The following ELFN1 variants were observed in gnomAD, a reference collection of about 807,000 sequenced individuals.
ELFN1 encodes extracellular leucine rich repeat and fibronectin type III domain containing 1.
Under a neutral mutation model 7.6 loss-of-function variants are expected in ELFN1, and 6 were observed. That is an observed-to-expected ratio of 0.79 (90% confidence interval 0.43 to 1.56). The LOEUF is 1.56. Ranked by LOEUF, ELFN1 falls within the 40% of genes most tolerant of loss-of-function variation. ELFN1 has a pLI of 0.01. For missense variants in ELFN1, 1,169 were observed against 1,232.2 expected (o/e 0.95, Z 0.77); for synonymous variants, 657 against 588.1 (o/e 1.12, Z -1.70).
chr7:1,666,154 C>T (rs1156243178), upstream of ELFN1, among the ~76,000 whole-genome samples: 2 of 152,066 alleles, frequency 1.3e-5, no homozygotes, highest in African/African-American at 4.8e-5. The surrounding 1 kb of genome is among the most constrained non-coding windows in gnomAD (Gnocchi z 7.9). Context: ...CAGCCCGGGG[C>T]CCGCACCCCG....
chr7:1,697,710 T>C (rs913691823), intron 2 of ELFN1, among the ~76,000 whole-genome samples: 1 of 152,216 alleles, frequency 6.6e-6, no homozygotes, highest in East Asian at 1.9e-4. Context: ...ATCTCTGTTT[T>C]TCACCCTGAT....
At chr7:1,699,713 T>A (rs982683671) in intron 2 of ELFN1, among the ~76,000 whole-genome samples, 2 of 151,788 alleles carry the variant, frequency 1.3e-5, no homozygotes, top group Non-Finnish European at 2.9e-5. Flanking sequence ...TTCTCCTACT[T>A]TTTTTTTGGA....
intron 2 of ELFN1, among the ~76,000 whole-genome samples, chr7:1,700,676 C>G (rs1332434204): frequency 6.6e-6 from 1 of 152,222 alleles, no homozygotes; most frequent in Non-Finnish European, 1.5e-5. Context: ...AGAGAACAGT[C>G]GCCGGCTCTT....
rs774647028 is a variant in ELFN1, at chr7:1,744,838, G to A, written c.242G>A (p.Ser81Asn). Residue 81 changes from serine (S) to asparagine (N), a missense_variant, in exon 4 of 4, where the codon AGC becomes AAC. Coordinates refer to ENST00000424383, the MANE Select transcript of ELFN1 (RefSeq NM_001128636.4). ...CGCAGCGTGCAGTACGCCTCGCTCA[G>A]CCGCTTTGGCAACCTCACGTACCTC... is the stretch of plus-strand genomic sequence containing the variant. ...RIRSVQYASL[S>N]RFGNLTYLNL... The A allele has an allele frequency of 1.8e-5, 29 of 1,573,960 alleles. No individual in the cohort carries two copies. The highest frequency in any genetic ancestry group is 2.5e-5 in the Non-Finnish European group (29 of 1,158,848).
At chr7:1,736,081 C>T (rs569164229) in intron 3 of ELFN1, among the ~76,000 whole-genome samples, 15 of 152,334 alleles carry the variant, frequency 9.8e-5, no homozygotes, top group Admixed American at 7.8e-4. Context: ...GCAGGCCTTG[C>T]GGCTCGAGGC....
intron 2 of ELFN1, chr7:1,692,189 G>C (rs1338245649): frequency 1.3e-5 from 2 of 152,280 alleles, no homozygotes; most frequent in African/African-American, 4.8e-5. Context: ...TGTGGTCTGT[G>C]TGCCAAGTAG....
rs964762129 is a variant in ELFN1, at chr7:1,695,672, C to T, written c.-456+7522C>T. 7.0e-6 allele frequency among the ~76,000 whole-genome samples: 1 copy of T among 142,622 alleles called. No homozygotes were observed. The highest frequency in any genetic ancestry group is 1.5e-5 in the Non-Finnish European group (1 of 67,172). 93.6% of individuals were successfully genotyped at this position (142,622 alleles called of 152,430 possible). ...TGAGGCAGGGAGAATTGTTTGAACC[C>T]AGGAGGTGGAGGTTGCAGTGAGCCG... On this transcript the variant is annotated intron_variant, in intron 2 of 3. Transcript: ENST00000424383. This position sits in a 1 kb window ranked among gnomAD's most constrained non-coding sequence, Gnocchi z 5.1.
chr7:1,683,502 T>C (rs185380702), intron 1 of ELFN1, among the ~76,000 whole-genome samples: 2 of 152,346 alleles, frequency 1.3e-5, no homozygotes, highest in Admixed American at 1.3e-4. Flanking sequence ...CCACATACAT[T>C]TGAAAACATT....
chr7:1,746,164 G>C lies in ELFN1; in HGVS notation c.1568G>C (p.Gly523Ala). Residue 523 changes from glycine (G) to alanine (A), a missense_variant, in exon 4 of 4, where the codon GGC becomes GCC. Coordinates refer to ENST00000424383, the MANE Select transcript of ELFN1 (RefSeq NM_001128636.4). Reference protein sequence around the residue: ...ESADTPKASKGSYMEVRTGDP... With the variant: ...ESADTPKASKASYMEVRTGDP... ...GCGGACACCCCCAAGGCCAGCAAGG[G>C]CAGCTACATGGAGGTTCGAACCGGG... is the stretch of plus-strand genomic sequence containing the variant. 1 of 1,549,710 alleles carries C rather than the reference G, an allele frequency of 6.5e-7. No homozygotes were observed. The highest frequency in any genetic ancestry group is 8.7e-7 in the Non-Finnish European group (1 of 1,146,674).
At chr7:1,701,414 G>A (rs1051358851) in intron 2 of ELFN1, among the ~76,000 whole-genome samples, 4 of 152,114 alleles carry the variant, frequency 2.6e-5, no homozygotes, top group African/African-American at 9.7e-5. Context: ...GCTTTTCATA[G>A]TATATTTTTA....
At position 1,705,130 on chromosome 7, in the gene ELFN1, A is replaced by G. The variant is rs1373521208; in HGVS notation, c.-455-3961A>G. Among the ~76,000 whole-genome samples, 1 of 152,040 alleles carries G rather than the reference A, an allele frequency of 6.6e-6. No individual in the cohort carries two copies. The highest frequency in any genetic ancestry group is 1.5e-5 in the Non-Finnish European group (1 of 67,970). Reference sequence around the variant, plus strand: ...CCAAAGGGCAGAGCCCGCAGGAGGTAACAGCCTGAGGGCTGCAGGTCACAC... The same window carrying G: ...CCAAAGGGCAGAGCCCGCAGGAGGTGACAGCCTGAGGGCTGCAGGTCACAC... On this transcript the variant is annotated intron_variant, in intron 2 of 3. Coordinates refer to ENST00000424383, the MANE Select transcript of ELFN1 (RefSeq NM_001128636.4). The surrounding 1 kb of genome is among the most constrained non-coding windows in gnomAD (Gnocchi z 4.3).
intron 3 of ELFN1, among the ~76,000 whole-genome samples, chr7:1,728,332 C>T (rs1045781347): frequency 6.6e-6 from 1 of 152,264 alleles, no homozygotes; most frequent in African/African-American, 2.4e-5. Flanking sequence ...GGGGCAGCCT[C>T]TTTCAGACCA....
chr7:1,707,318 G>A (rs899147631), intron 2 of ELFN1, among the ~76,000 whole-genome samples: 3 of 152,254 alleles, frequency 2.0e-5, no homozygotes, highest in Admixed American at 6.5e-5. Context: ...GGCTGCACAC[G>A]CCTGTCTCCT....
intron 2 of ELFN1, among the ~76,000 whole-genome samples, chr7:1,688,707 G>A (rs1257055126): frequency 6.6e-6 from 1 of 152,086 alleles, no homozygotes; most frequent in African/African-American, 2.4e-5. Context: ...CCTTTATCCA[G>A]TTCCCCCCAG....
chr7:1,705,794 C>T lies in ELFN1; in HGVS notation c.-455-3297C>T, dbSNP rs1583340140. On this transcript the variant is annotated intron_variant, in intron 2 of 3. Transcript: ENST00000424383. This position sits in a 1 kb window ranked among gnomAD's most constrained non-coding sequence, Gnocchi z 4.3. ...AGAGTCTTAGTGTCCCGGGATGGTCCTCGGGGAGGTCTGATGAGCCCCCGA... is the reference window on the plus strand; with the variant it reads ...AGAGTCTTAGTGTCCCGGGATGGTCTTCGGGGAGGTCTGATGAGCCCCCGA... 1.3e-5 allele frequency among the ~76,000 whole-genome samples: 2 copies of T among 152,186 alleles called. No homozygotes were observed. Among genetic ancestry groups the T allele is most frequent in the African/African-American group, 4.8e-5 (2 of 41,436 alleles).
intron 3 of ELFN1, among the ~76,000 whole-genome samples, chr7:1,741,790 G>A (rs996860114): frequency 2.6e-5 from 4 of 152,110 alleles, no homozygotes; most frequent in South Asian, 2.1e-4. Context: ...CTGCACTACC[G>A]AGGTGCCACC....
rs902253142 is a variant in ELFN1, at chr7:1,670,679, C to T, written c.-549+325C>T. On this transcript the variant is annotated intron_variant, in intron 1 of 3. Coordinates refer to ENST00000424383, the MANE Select transcript of ELFN1 (RefSeq NM_001128636.4). This position sits in a 1 kb window ranked among gnomAD's most constrained non-coding sequence, Gnocchi z 6.4. ...TCCCCAGCGCCTCTCTCCCTTCCGT[C>T]CCCCTTCGCCGTCCGCACCCTGCCC... Among the ~76,000 whole-genome samples the T allele has an allele frequency of 6.6e-6, 1 of 152,186 alleles. No individual in the cohort carries two copies. The highest frequency in any genetic ancestry group is 1.5e-5 in the Non-Finnish European group (1 of 68,014).
At chr7:1,702,190 C>G (rs1260652765) in intron 2 of ELFN1, among the ~76,000 whole-genome samples, 1 of 152,072 alleles carries the variant, frequency 6.6e-6, no homozygotes, top group Non-Finnish European at 1.5e-5. Flanking sequence ...TTTGGGAGGC[C>G]AAGGTGGGCA....
Position 1,670,833 on chromosome 7 carries a change from G to A in ELFN1, c.-549+479G>A, listed in dbSNP as rs915156529. Among the ~76,000 whole-genome samples, 2 of 150,380 alleles carry A rather than the reference G, an allele frequency of 1.3e-5. No individual in the cohort carries two copies. Among genetic ancestry groups the A allele is most frequent in the East Asian group, 4.1e-4 (2 of 4,866 alleles). On this transcript the variant is annotated intron_variant, in intron 1 of 3. Transcript: ENST00000424383. This position sits in a 1 kb window ranked among gnomAD's most constrained non-coding sequence, Gnocchi z 6.4. ...CTCCCTGCTGGGCCGCCCTCCCCCC[G>A]ACGCTGCGAGCCTCCTCGCTCCGCG...
Sources: allele counts gnomAD v4.1 joint callset (sites outside exome capture counted in the v4.1 genomes callset), GRCh38; gene constraint gnomAD v4.1.1; non-coding constraint Gnocchi (gnomAD v3.1); transcripts MANE v1.5; gene names NCBI Gene and HGNC (gene_info 2026-07-23, HGNC 2026-07-21).